ELMOD1: variants seen among roughly 807,000 people sequenced by gnomAD.
The protein encoded by ELMOD1 is ELMO domain containing 1, also known as ELMO domain-containing protein 1.
ELMOD1 carries 21 observed loss-of-function variants against 46.7 expected under a neutral mutation model. The ratio of observed to expected loss-of-function variants is 0.45; its 90% CI spans 0.32 to 0.65. The LOEUF is 0.65. Ranked by LOEUF, ELMOD1 falls within the 30% of genes least tolerant of loss-of-function variation. The pLI, the probability that ELMOD1 is intolerant of heterozygous loss-of-function variation, is 0.04. For missense variants in ELMOD1, 348 were observed against 407.8 expected (o/e 0.85, Z 1.26); for synonymous variants, 122 against 138.2 (o/e 0.88, Z 0.82).
chr11:107,605,580 G>A (rs746391429), intron 1 of ELMOD1, among the ~76,000 whole-genome samples: 3 of 152,210 alleles, frequency 2.0e-5, no homozygotes, highest in East Asian at 1.9e-4. Flanking sequence ...GTAGGCAACC[G>A]CAGTGAAATT....
At chr11:107,657,444 T>C (rs913020345) in intron 11 of ELMOD1, among the ~76,000 whole-genome samples, 5 of 152,134 alleles carry the variant, frequency 3.3e-5, no homozygotes, top group African/African-American at 9.7e-5. Flanking sequence ...AGAAGATCGC[T>C]TGAGCCCAAG....
intron 1 of ELMOD1, among the ~76,000 whole-genome samples, chr11:107,596,238 G>C (rs1865490856): frequency 6.6e-6 from 1 of 151,852 alleles, no homozygotes; most frequent in Non-Finnish European, 1.5e-5. Flanking sequence ...ATGTTTTGAA[G>C]GTTTCATTCA....
intron 11 of ELMOD1, 64 bp from the exon 12 acceptor site, chr11:107,664,961 A>C: frequency 2.7e-6 from 4 of 1,475,200 alleles, no homozygotes; most frequent in Non-Finnish European, 3.7e-6. Context: ...ATTCAGAATG[A>C]TTTTGAATGT....
At chr11:107,608,435 C>T (rs997117337) in intron 1 of ELMOD1, among the ~76,000 whole-genome samples, 2 of 151,926 alleles carry the variant, frequency 1.3e-5, no homozygotes, top group African/African-American at 4.8e-5. Flanking sequence ...GTAGACTGAA[C>T]TGAAGAAAAA....
intron 1 of ELMOD1, among the ~76,000 whole-genome samples, chr11:107,606,357 C>G (rs1214472545): frequency 6.6e-6 from 1 of 152,230 alleles, no homozygotes; most frequent in East Asian, 1.9e-4. Context: ...GGCTTACCAT[C>G]TACTCATCTA....
chr11:107,601,166 T>C (rs1299107461), intron 1 of ELMOD1, among the ~76,000 whole-genome samples: 1 of 152,052 alleles, frequency 6.6e-6, no homozygotes, highest in African/African-American at 2.4e-5. Context: ...TCTTAGTATA[T>C]TAAAAGTATC....
intron 2 of ELMOD1, among the ~76,000 whole-genome samples, chr11:107,629,481 A>C (rs1278082116): frequency 6.6e-6 from 1 of 152,224 alleles, no homozygotes; most frequent in Admixed American, 6.5e-5. Context: ...AGTCCTCTTT[A>C]CCACTAAAGC....
intron 2 of ELMOD1, among the ~76,000 whole-genome samples, chr11:107,620,975 AC>A (rs1865937876): frequency 6.6e-6 from 1 of 152,250 alleles, no homozygotes; most frequent in African/African-American, 2.4e-5. Flanking sequence ...CCCAGCTAGA[AC>A]AAAAGCTTAG....
chr11:107,614,321 C>T (rs1336969805), intron 1 of ELMOD1, among the ~76,000 whole-genome samples: 1 of 152,038 alleles, frequency 6.6e-6, no homozygotes, highest in African/African-American at 2.4e-5. Flanking sequence ...ACAATTTATT[C>T]TTCATATTAC....
chr11:107,657,429 A>T lies in ELMOD1; in HGVS notation c.832+1363A>T, dbSNP rs1244517837. 4.6e-5 allele frequency among the ~76,000 whole-genome samples: 7 copies of T among 152,166 alleles called. No individual in the cohort carries two copies. In the East Asian group the frequency reaches 1.4e-3, roughly 29 times the overall value. On this transcript the variant is annotated intron_variant, in intron 11 of 11. Coordinates refer to ENST00000265840, the MANE Select transcript of ELMOD1 (RefSeq NM_018712.4). ...GTAGTCCCAGCCACTCAAGAGGCTG[A>T]GGTGAGAAGATCGCTTGAGCCCAAG...
chr11:107,600,655 G>C (rs946586468), intron 1 of ELMOD1: 2 of 152,882 alleles, frequency 1.3e-5, no homozygotes, highest in African/African-American at 4.8e-5. Context: ...TAGCTAATGA[G>C]CATACATCAC....
At chr11:107,644,907 G>GT (rs1555067910) in intron 6 of ELMOD1, among the ~76,000 whole-genome samples, 2 of 119,202 alleles carry the variant, frequency 1.7e-5, no homozygotes, top group Non-Finnish European at 3.7e-5. Context: ...GTTCCTAAAG[G>GT]GTTTTTGTTT....
At position 107,665,090 on chromosome 11, in the gene ELMOD1, A is replaced by G. The variant is rs1289666324; in HGVS notation, c.898A>G (p.Asn300Asp). The change falls in exon 12 of 12, where the codon AAT (asparagine) becomes GAT (aspartate). Residue 300 changes from asparagine to aspartate, a missense_variant. Asn to Asp is a conservative substitution (Grantham distance 23, BLOSUM62 1). Transcript: ENST00000265840. ...GGACCCCATGGACATAATGGAATTT[A>G]ATCGTGTGAGGGAGAAATTCCGCAA... ...EEDPMDIMEFNRVREKFRKRI... is the reference protein window; with the variant it reads ...EEDPMDIMEFDRVREKFRKRI... The G allele has an allele frequency of 6.2e-7, 1 of 1,613,898 alleles. No individual in the cohort carries two copies. Among genetic ancestry groups the G allele is most frequent in the East Asian group, 2.2e-5 (1 of 44,884 alleles).
intron 6 of ELMOD1, among the ~76,000 whole-genome samples, chr11:107,640,725 C>A (rs1866306486): frequency 6.6e-6 from 1 of 152,120 alleles, no homozygotes; most frequent in African/African-American, 2.4e-5. Context: ...AATTTTTTGA[C>A]CCTGAGTGCC....
chr11:107,632,484 A>G (rs914818968), intron 5 of ELMOD1, among the ~76,000 whole-genome samples: 3 of 152,194 alleles, frequency 2.0e-5, no homozygotes, highest in Non-Finnish European at 4.4e-5. Flanking sequence ...GCGTAGGTCT[A>G]TCTCTTGGAA....
chr11:107,645,622 G>A (rs1312395300), intron 6 of ELMOD1, among the ~76,000 whole-genome samples: 1 of 152,208 alleles, frequency 6.6e-6, no homozygotes, highest in East Asian at 1.9e-4. Flanking sequence ...ACCGCGCCCG[G>A]CCAGTTTGTG....
chr11:107,596,180 C>G (rs1865489815), intron 1 of ELMOD1, among the ~76,000 whole-genome samples: 1 of 151,958 alleles, frequency 6.6e-6, no homozygotes, highest in Admixed American at 6.5e-5. Flanking sequence ...ACTCTCCTTT[C>G]TATTTTTTAT....
intron 1 of ELMOD1, among the ~76,000 whole-genome samples, chr11:107,606,902 G>A (rs983846966): frequency 1.3e-5 from 2 of 152,036 alleles, no homozygotes; most frequent in Non-Finnish European, 2.9e-5. Context: ...AACAAAGAGA[G>A]TAAATTTCAA....
At chr11:107,624,567 C>T (rs934900966) in intron 2 of ELMOD1, among the ~76,000 whole-genome samples, 2 of 152,146 alleles carry the variant, frequency 1.3e-5, no homozygotes, top group African/African-American at 4.8e-5. Flanking sequence ...AGGAGGACCA[C>T]CTGAGCCCAG....
Sources: allele counts gnomAD v4.1 joint callset (sites outside exome capture counted in the v4.1 genomes callset), GRCh38; gene constraint gnomAD v4.1.1; transcripts MANE v1.5; gene names NCBI Gene and HGNC (gene_info 2026-07-23, HGNC 2026-07-21).